NME8: variants seen among roughly 807,000 people sequenced by gnomAD.
The protein encoded by NME8 is protein NME8.
NME8 carries 72 observed loss-of-function variants against 82.3 expected under a neutral mutation model. That is an observed-to-expected ratio of 0.87 (90% CI 0.72 to 1.06). The LOEUF (loss-of-function observed/expected upper bound fraction) is 1.06. Among genes scored for constraint, NME8 ranks in the 50% least tolerant of loss-of-function variants. The pLI, the probability that NME8 is intolerant of heterozygous loss-of-function variation, is 0.00. For synonymous variants in NME8, 267 were observed against 228.5 expected (o/e 1.17, Z -1.52); for missense variants, 712 against 685.4 (o/e 1.04, Z -0.43).
chr7:37,867,621 A>C, intron 10 of NME8, 81 bp from the exon 11 acceptor site: 6 of 1,012,288 alleles, frequency 5.9e-6, no homozygotes, highest in Non-Finnish European at 9.4e-6. Flanking sequence ...GGAAGATTTC[A>C]TTTGACTTGG....
intron 16 of NME8, among the ~76,000 whole-genome samples, chr7:37,896,026 T>C (rs867367126): frequency 6.6e-6 from 1 of 152,036 alleles, no homozygotes; most frequent in African/African-American, 2.4e-5. Flanking sequence ...TGACTGTACA[T>C]ACACACACAC....
chr7:37,897,567 AG>A (rs775650118), intron 17 of NME8, among the ~76,000 whole-genome samples: 16 of 152,166 alleles, frequency 1.1e-4, no homozygotes, highest in Non-Finnish European at 2.1e-4. Context: ...AACAAAAAAT[AG>A]GATGCATGCG....
intron 15 of NME8, among the ~76,000 whole-genome samples, chr7:37,892,856 T>TGG (rs200893977): frequency 7.2e-5 from 11 of 152,030 alleles, no homozygotes; most frequent in Admixed American, 6.6e-4. Context: ...TGTTACAGTT[T>TGG]GGGGGGGTAT....
chr7:37,859,801 T>C (rs894027761), intron 6 of NME8, among the ~76,000 whole-genome samples: 44 of 152,204 alleles, frequency 2.9e-4, no homozygotes, highest in Non-Finnish European at 1.5e-4. Context: ...ATTCTTGACC[T>C]CCTGGCTGCT....
rs776449825 is a variant in NME8 at position 37,894,469 on chromosome 7, A to G, written c.1403A>G (p.Gln468Arg). Residue 468 changes from glutamine (Q) to arginine (R), a missense_variant, in exon 16 of 18, where the codon CAG (glutamine) becomes CGG (arginine). Transcript: ENST00000199447. ...ATCAAATATTTGTTTTTCTTAGAGC[A>G]GATCCTGAAGATAGTTAAGGAGGCT... is the stretch of plus-strand genomic sequence containing the variant. ...KPHATSEQRE[Q>R]ILKIVKEAGF... 3 of 1,612,684 alleles carry G rather than the reference A, an allele frequency of 1.9e-6. No homozygotes were observed. The highest frequency in any genetic ancestry group is 2.2e-5 in the South Asian group (2 of 91,046).
chr7:37,853,394 C>A (rs932773702), intron 5 of NME8, among the ~76,000 whole-genome samples: 2 of 152,090 alleles, frequency 1.3e-5, no homozygotes, highest in Non-Finnish European at 2.9e-5. Flanking sequence ...AGACTTGATT[C>A]TTCACAGAGA....
chr7:37,897,029 A>G lies in NME8; in HGVS notation c.1704A>G (p.Ala568=). The G allele has an allele frequency of 2.5e-6, 4 of 1,613,980 alleles. No individual in the cohort carries two copies. In the South Asian group the frequency reaches 3.3e-5, roughly 13 times the overall value. The change falls in exon 17 of 18, where the codon GCA becomes GCG. Residue 568 remains alanine (A), a synonymous_variant. Transcript: ENST00000199447. ...AATTGAAAAACATTGTCCATGGAGC[A>G]TCTAACGCCTATGAAGCAAAAGAGG... ...ISKLKNIVHG[A]SNAYEAKEVV...
chr7:37,861,700 G>T (rs925162027), intron 6 of NME8, among the ~76,000 whole-genome samples: 30 of 152,158 alleles, frequency 2.0e-4, no homozygotes, highest in African/African-American at 5.5e-4. Flanking sequence ...GGATGTCATT[G>T]GGAGGCCTAT....
intron 8 of NME8, 99 bp downstream of exon 8, chr7:37,863,561 T>A: frequency 1.3e-6 from 1 of 763,442 alleles, no homozygotes; most frequent in South Asian, 1.4e-5. Context: ...CAAATCCATG[T>A]TTATTAAGGA....
intron 12 of NME8, among the ~76,000 whole-genome samples, chr7:37,877,884 G>A (rs774114112): frequency 1.8e-4 from 27 of 152,064 alleles, no homozygotes; most frequent in African/African-American, 5.8e-4. Context: ...AAATCTCTCC[G>A]GCTGAGAATC....
chr7:37,889,542 C>T (rs1156552485), intron 15 of NME8, among the ~76,000 whole-genome samples: 1 of 151,654 alleles, frequency 6.6e-6, no homozygotes, highest in African/African-American at 2.4e-5. Flanking sequence ...TCTAATGCAT[C>T]GTGTTTTCAT....
At chr7:37,869,419 A>G (rs953597763) in intron 11 of NME8, among the ~76,000 whole-genome samples, 1 of 152,198 alleles carries the variant, frequency 6.6e-6, no homozygotes. Flanking sequence ...CATTCAAAAA[A>G]CAAAAAGCGT....
At position 37,884,433 on chromosome 7, in the gene NME8, A is replaced by G; in HGVS notation, c.1125A>G (p.Ile375Met). 6.2e-7 allele frequency: 1 copy of G among 1,611,616 alleles called. No individual in the cohort carries two copies. ...YENEDYFNKL[I>M]ENMTSGPSLA... ...ATGAAGACTATTTTAATAAACTTAT[A>G]GAAAACATGACCAGGTAGAATCCAG... is the stretch of plus-strand genomic sequence containing the variant. Residue 375 changes from isoleucine to methionine, a missense_variant, in exon 13 of 18, where the codon ATA (isoleucine) becomes ATG (methionine). Physicochemically the swap from Ile to Met is conservative, Grantham distance 10. Transcript: ENST00000199447.
chr7:37,872,539 A>G (rs1279152638), intron 11 of NME8, among the ~76,000 whole-genome samples: 1 of 152,232 alleles, frequency 6.6e-6, no homozygotes, highest in African/African-American at 2.4e-5. Context: ...ACATTTAAAA[A>G]GCCTTTCAAA....
intron 5 of NME8, among the ~76,000 whole-genome samples, chr7:37,853,754 C>T (rs934394134): frequency 2.0e-5 from 3 of 151,940 alleles, no homozygotes; most frequent in African/African-American, 4.8e-5. Flanking sequence ...ACATGTAGGT[C>T]CAAAATTAAA....
chr7:37,879,990 G>A (rs2722339), intron 12 of NME8, among the ~76,000 whole-genome samples: 67,502 of 151,926 alleles, frequency 0.44, 15,300 homozygotes, highest in East Asian at 0.64. Context: ...AATCATCTCT[G>A]TATCTTCTTT....
At chr7:37,893,414 A>G (rs1161932663) in intron 15 of NME8, among the ~76,000 whole-genome samples, 1 of 152,104 alleles carries the variant, frequency 6.6e-6, no homozygotes, top group African/African-American at 2.4e-5. Context: ...TTTTAGAGGA[A>G]AGTCCAGATT....
intron 15 of NME8, among the ~76,000 whole-genome samples, chr7:37,893,221 G>T (rs2598006): frequency 2.3e-4 from 35 of 152,066 alleles, no homozygotes; most frequent in African/African-American, 8.2e-4. Flanking sequence ...TTCCAAGGTG[G>T]CTCGTTTTAC....
Position 37,888,373 on chromosome 7 carries a change from T to C in NME8, c.1344T>C (p.Phe448=). The C allele has an allele frequency of 6.2e-7, 1 of 1,613,506 alleles. No individual in the cohort carries two copies. Among genetic ancestry groups the C allele is most frequent in the Non-Finnish European group, 8.5e-7 (1 of 1,179,640 alleles). Reference sequence around the variant, plus strand: ...CTGAAAGGGAAATACAGCATTTCTTTCCTCTTCAAAGCACTTTAGGCTTGA... The same window carrying C: ...CTGAAAGGGAAATACAGCATTTCTTCCCTCTTCAAAGCACTTTAGGCTTGA... ...ETAEREIQHF[F]PLQSTLGLIK... Residue 448 remains phenylalanine, a synonymous_variant, in exon 15 of 18, where the codon TTT becomes TTC. Transcript: ENST00000199447.
Sources: gnomAD v4.1 joint callset for allele counts (sites outside exome capture counted in the v4.1 genomes callset) on GRCh38, gnomAD v4.1.1 for gene constraint, MANE v1.5 for transcripts, NCBI Gene and HGNC (gene_info 2026-07-23, HGNC 2026-07-21) for gene names.